TNR: variants seen among roughly 807,000 people sequenced by gnomAD.
TNR encodes tenascin R.
A neutral mutation model predicts 150.4 loss-of-function variants in TNR; 45 were observed. The observed-to-expected ratio is 0.30, with a 90% CI of 0.24 to 0.38. TNR has a LOEUF of 0.38. Ranked by LOEUF, TNR falls within the 10% of genes least tolerant of loss-of-function variation. The pLI, the probability that TNR is intolerant of heterozygous loss-of-function variation, is 1.00. For synonymous variants in TNR, 687 were observed against 678.4 expected (o/e 1.01, Z -0.20); for missense variants, 1,544 against 1,759.1 (o/e 0.88, Z 2.19).
intron 1 of TNR, among the ~76,000 whole-genome samples, chr1:175,699,326 T>C (rs994069428): frequency 1.8e-4 from 28 of 152,134 alleles, no homozygotes; most frequent in African/African-American, 4.8e-4. Context: ...ACAGGAAAGA[T>C]AGTGTGGCAT....
At chr1:175,546,976 T>A (rs1660715456) in intron 1 of TNR, among the ~76,000 whole-genome samples, 1 of 152,144 alleles carries the variant, frequency 6.6e-6, no homozygotes, top group Non-Finnish European at 1.5e-5. Context: ...TGCCAGTCAC[T>A]TTCCCCCTTC....
intron 1 of TNR, among the ~76,000 whole-genome samples, chr1:175,604,438 C>T (rs1214109105): frequency 6.6e-6 from 1 of 152,200 alleles, no homozygotes; most frequent in Non-Finnish European, 1.5e-5. Flanking sequence ...GGCCTGGTCT[C>T]AGCCTTCCTT....
chr1:175,552,915 T>A (rs2102201366), intron 1 of TNR, among the ~76,000 whole-genome samples: 1 of 152,308 alleles, frequency 6.6e-6, no homozygotes, highest in South Asian at 2.1e-4. Context: ...GTTGACTTCA[T>A]GGTTAGAAGT....
intron 2 of TNR, among the ~76,000 whole-genome samples, chr1:175,443,963 G>A (rs1364831394): frequency 2.0e-5 from 3 of 152,140 alleles, no homozygotes; most frequent in Admixed American, 6.5e-5. Flanking sequence ...TCTAATTGAT[G>A]TGGGCTTAAG....
At chr1:175,543,967 G>GA in intron 1 of TNR, among the ~76,000 whole-genome samples, 1 of 152,150 alleles carries the variant, frequency 6.6e-6, no homozygotes, top group East Asian at 1.9e-4. Flanking sequence ...ACACAGAAAT[G>GA]AGAAACCTCA....
At chr1:175,585,689 T>C (rs1160017926) in intron 1 of TNR, among the ~76,000 whole-genome samples, 1 of 152,212 alleles carries the variant, frequency 6.6e-6, no homozygotes, top group Non-Finnish European at 1.5e-5. Flanking sequence ...AAGAACACCC[T>C]AGTAAATGGT....
chr1:175,555,564 CACTT>C (rs59405916), intron 1 of TNR, among the ~76,000 whole-genome samples: 19,962 of 148,668 alleles, frequency 0.13, 1,432 homozygotes, highest in Non-Finnish European at 0.17. Flanking sequence ...GAGATGAAGA[CACTT>C]ACAAGATGCA....
intron 1 of TNR, among the ~76,000 whole-genome samples, chr1:175,625,677 G>A (rs116118308): frequency 4.6e-5 from 7 of 152,294 alleles, no homozygotes; most frequent in East Asian, 3.9e-4. Flanking sequence ...TCCAGCCTTC[G>A]CCTGTGAGAG....
At position 175,383,959 on chromosome 1, in the gene TNR, A is replaced by G. The variant is rs147742012; in HGVS notation, c.1777+2073T>C. 5.1e-4 allele frequency among the ~76,000 whole-genome samples: 78 copies of G among 152,374 alleles called. No homozygotes were observed. The East Asian group carries it at 0.013, about 24-fold the overall frequency. ...ACCAGGCAACTGGAAACAGAAAGCC[A>G]TGTAGCAATGAACTGAAACTCATGG... On this transcript the variant is annotated intron_variant, in intron 8 of 22. Coordinates refer to ENST00000367674, the MANE Select transcript of TNR (RefSeq NM_003285.3).
chr1:175,475,253 G>A (rs1054284572), intron 2 of TNR, among the ~76,000 whole-genome samples: 2 of 152,034 alleles, frequency 1.3e-5, no homozygotes, highest in African/African-American at 2.4e-5. Flanking sequence ...TGCTCCTAGC[G>A]TCATCTCCCC....
At chr1:175,580,200 G>T (rs1662296429) in intron 1 of TNR, among the ~76,000 whole-genome samples, 1 of 152,214 alleles carries the variant, frequency 6.6e-6, no homozygotes, top group African/African-American at 2.4e-5. Context: ...TGTCTTGCGT[G>T]TCAGTTAAAT....
chr1:175,640,790 GGTA>G (rs1377958416), intron 1 of TNR, among the ~76,000 whole-genome samples: 1 of 135,470 alleles, frequency 7.4e-6, no homozygotes. Flanking sequence ...TGTGTGTGTG[GGTA>G]TATATATATA....
chr1:175,356,105 T>G (rs1345303253), intron 16 of TNR, among the ~76,000 whole-genome samples: 1 of 152,170 alleles, frequency 6.6e-6, no homozygotes, highest in Non-Finnish European at 1.5e-5. Context: ...TCTTCTGCTG[T>G]CACCCAGGGT....
intron 1 of TNR, among the ~76,000 whole-genome samples, chr1:175,697,841 C>G (rs561336414): frequency 6.6e-6 from 1 of 152,304 alleles, no homozygotes; most frequent in Non-Finnish European, 1.5e-5. Flanking sequence ...TCACAATAAC[C>G]AGGGGAAGCA....
intron 2 of TNR, among the ~76,000 whole-genome samples, chr1:175,445,807 C>A (rs554588688): frequency 3.3e-5 from 5 of 152,332 alleles, no homozygotes; most frequent in African/African-American, 1.2e-4. Flanking sequence ...CCTATGATTG[C>A]AGTTGTACGT....
At chr1:175,469,638 C>T (rs750371061) in intron 2 of TNR, among the ~76,000 whole-genome samples, 28 of 151,250 alleles carry the variant, frequency 1.9e-4, no homozygotes, top group African/African-American at 5.1e-4. Flanking sequence ...ACTAGAGGGA[C>T]GGGGAGGAGG....
chr1:175,366,497 C>G (rs1468662996), intron 10 of TNR, among the ~76,000 whole-genome samples: 1 of 152,212 alleles, frequency 6.6e-6, no homozygotes, highest in South Asian at 2.1e-4. Flanking sequence ...TAGGGATATG[C>G]CATTCCTGGC....
At chr1:175,608,610 A>G (rs1663488326) in intron 1 of TNR, among the ~76,000 whole-genome samples, 1 of 152,238 alleles carries the variant, frequency 6.6e-6, no homozygotes, top group Admixed American at 6.5e-5. Context: ...AGTAGTTGTA[A>G]TGTCTAAAAC....
intron 1 of TNR, among the ~76,000 whole-genome samples, chr1:175,691,697 C>T (rs572795083): frequency 6.6e-6 from 1 of 152,134 alleles, no homozygotes; most frequent in African/African-American, 2.4e-5. Context: ...CAGGGGAAAC[C>T]TGTTAGCTTA....
Sources: allele counts gnomAD v4.1 joint callset (sites outside exome capture counted in the v4.1 genomes callset), GRCh38; gene constraint gnomAD v4.1.1; transcripts MANE v1.5; gene names NCBI Gene and HGNC (gene_info 2026-07-23, HGNC 2026-07-21).